PIP4P2: variants seen among roughly 807,000 people sequenced by gnomAD.
PIP4P2 encodes the protein phosphatidylinositol-4,5-bisphosphate 4-phosphatase 2, also known as type 2 phosphatidylinositol 4,5-bisphosphate 4-phosphatase.
In PIP4P2, 19 loss-of-function variants were observed where a neutral mutation model predicts 33.3. The ratio of observed to expected loss-of-function variants is 0.57; its 90% CI spans 0.40 to 0.84. The LOEUF (loss-of-function observed/expected upper bound fraction) is 0.84, where lower values mean the gene tolerates loss of function less well. Ranked by LOEUF, PIP4P2 falls within the 40% of genes least tolerant of loss-of-function variation. The pLI, the probability that PIP4P2 is intolerant of heterozygous loss-of-function variation, is 0.00. For missense variants in PIP4P2, 270 were observed against 324.7 expected, an observed-to-expected ratio of 0.83 and a Z score of 1.29; for synonymous variants, 110 against 111.9, an observed-to-expected ratio of 0.98 and a Z score of 0.11.
chr8:91,001,395 C>T (rs1309635034), intron 5 of PIP4P2, among the ~76,000 whole-genome samples: 7 of 151,806 alleles, frequency 4.6e-5, no homozygotes, highest in South Asian at 2.1e-4. Context: ...GCCCATCCCG[C>T]ACCCTGTGCC....
At chr8:91,009,223 T>C (rs1395508465) in intron 4 of PIP4P2, among the ~76,000 whole-genome samples, 1 of 152,134 alleles carries the variant, frequency 6.6e-6, no homozygotes, top group African/African-American at 2.4e-5. Context: ...ATTCTACTTA[T>C]GTGAGAAAGT....
chr8:90,996,795 C>T, intron 5 of PIP4P2, 51 bp from the exon 6 acceptor site: 2 of 1,452,420 alleles, frequency 1.4e-6, no homozygotes, highest in Non-Finnish European at 1.9e-6. Context: ...CATAAAAATT[C>T]TCTATTTCAT....
chr8:91,003,980 T>TAGAC (rs1257012522), intron 5 of PIP4P2, among the ~76,000 whole-genome samples: 7 of 151,552 alleles, frequency 4.6e-5, no homozygotes, highest in Admixed American at 4.6e-4. Flanking sequence ...GATAGATAGA[T>TAGAC]AGATAGATAG....
At chr8:91,006,746 A>C (rs1367931638) in intron 5 of PIP4P2, among the ~76,000 whole-genome samples, 1 of 152,168 alleles carries the variant, frequency 6.6e-6, no homozygotes, top group East Asian at 1.9e-4. Context: ...AGACGGGTGA[A>C]TCACCCGAGG....
chr8:91,029,117 C>CTGAAGGGTGCAGA (rs1812122599), intron 1 of PIP4P2, among the ~76,000 whole-genome samples: 2 of 151,780 alleles, frequency 1.3e-5, no homozygotes, highest in Admixed American at 1.3e-4. Context: ...ATCATGAAAC[C>CTGAAGGGTGCAGA]CCGTCTCTAT....
At position 91,040,825 on chromosome 8, in the gene PIP4P2, C is replaced by A; in HGVS notation, c.-76G>T. 1 of 1,350,968 alleles carries A rather than the reference C, an allele frequency of 7.4e-7. No homozygotes were observed. Among genetic ancestry groups the A allele is most frequent in the Non-Finnish European group, 1.0e-6 (1 of 968,726 alleles). 83.7% of individuals were successfully genotyped at this position (1,350,968 alleles called of 1,614,324 possible). On this transcript the variant is annotated 5_prime_UTR_variant, in exon 1 of 7. Transcript: ENST00000285419. ...GGCGGAGTGGTGGCTACTGCTGCTG[C>A]CTCTGCTGCCGCTGCTGCCGCTGCA...
intron 1 of PIP4P2, among the ~76,000 whole-genome samples, chr8:91,032,067 G>T (rs1349054403): frequency 6.6e-6 from 1 of 152,156 alleles, no homozygotes; most frequent in Non-Finnish European, 1.5e-5. Context: ...GTAAAGTAAC[G>T]ATTCCAAGGC....
chr8:91,033,748 A>G (rs936582724), intron 1 of PIP4P2, among the ~76,000 whole-genome samples: 1 of 151,980 alleles, frequency 6.6e-6, no homozygotes, highest in African/African-American at 2.4e-5. Flanking sequence ...CTAAGTCACC[A>G]TGCTCTAACC....
chr8:91,021,629 C>T (rs776812799), intron 1 of PIP4P2, among the ~76,000 whole-genome samples: 4 of 152,108 alleles, frequency 2.6e-5, no homozygotes, highest in Non-Finnish European at 4.4e-5. Context: ...TCATGTTTGC[C>T]TAGGTCTATC....
At position 91,040,606 on chromosome 8, in the gene PIP4P2, ACTTCCTTGCAAAGTAGAGG is replaced by A; in HGVS notation, c.106+19_106+37del. The A allele has an allele frequency of 6.2e-7, 1 of 1,608,726 alleles. No homozygotes were observed. The highest frequency in any genetic ancestry group is 8.5e-7 in the Non-Finnish European group (1 of 1,175,740). On this transcript the variant is annotated intron_variant, in intron 1 of 6. Transcript: ENST00000285419. ...CTTCTGGGCGTTTCCTTGCAAATCTACTTCCTTGCAAAGTAGAGGGATCTACGCTGGCCTTACCTCTGGG... is the reference window on the plus strand; with the variant it reads ...CTTCTGGGCGTTTCCTTGCAAATCTAGATCTACGCTGGCCTTACCTCTGGG...
At chr8:91,020,581 T>G (rs1811994431) in intron 2 of PIP4P2, among the ~76,000 whole-genome samples, 1 of 152,164 alleles carries the variant, frequency 6.6e-6, no homozygotes, top group Admixed American at 6.6e-5. Flanking sequence ...AGCCTAACTA[T>G]GAAAGAAATA....
At chr8:91,020,067 C>T (rs1276217749) in intron 3 of PIP4P2, 90 bp downstream of exon 3, 8 of 1,296,888 alleles carry the variant, frequency 6.2e-6, no homozygotes, top group South Asian at 4.2e-5. Context: ...AAAACTCTTT[C>T]TAGAACAAAG....
chr8:91,039,076 A>C (rs754874299), intron 1 of PIP4P2, among the ~76,000 whole-genome samples: 6 of 152,210 alleles, frequency 3.9e-5, no homozygotes, highest in Non-Finnish European at 5.9e-5. Context: ...TGAGGGCATG[A>C]AAATAGGTTA....
chr8:91,012,772 G>A (rs1163750735), intron 4 of PIP4P2, among the ~76,000 whole-genome samples: 1 of 152,166 alleles, frequency 6.6e-6, no homozygotes. Context: ...AGCTTTAGAA[G>A]TAAGTCTCTG....
At chr8:91,007,610 A>T (rs773318352) in intron 5 of PIP4P2, among the ~76,000 whole-genome samples, 2 of 152,194 alleles carry the variant, frequency 1.3e-5, no homozygotes, top group Non-Finnish European at 2.9e-5. Context: ...ATAATTTTTT[A>T]AATTATAATT....
Position 91,040,835 on chromosome 8 carries a change from C to CGCTGCAGCTGCT in PIP4P2, c.-87_-86insAGCAGCTGCAGC, listed in dbSNP as rs1286550198. 7 of 1,167,318 alleles carry CGCTGCAGCTGCT rather than the reference C, an allele frequency of 6.0e-6. No homozygotes were observed. The African/African-American group carries it at 9.3e-5, about 16-fold the overall frequency. 72.3% of individuals were successfully genotyped at this position (1,167,318 alleles called of 1,614,324 possible). On this transcript the variant is annotated 5_prime_UTR_variant, in exon 1 of 7. Transcript: ENST00000285419. ...TGGCTACTGCTGCTGCCTCTGCTGC[C>CGCTGCAGCTGCT]GCTGCTGCCGCTGCAGCTGCTGCTG... is the stretch of plus-strand genomic sequence containing the variant.
chr8:91,014,177 T>G (rs28436187), intron 4 of PIP4P2, among the ~76,000 whole-genome samples: 4,957 of 152,214 alleles, frequency 0.033, 263 homozygotes, highest in African/African-American at 0.11. Flanking sequence ...GAAACTTAAC[T>G]ACCTACAGAG....
chr8:90,998,365 CAAATT>C (rs2130347553), intron 5 of PIP4P2, among the ~76,000 whole-genome samples: 1 of 152,102 alleles, frequency 6.6e-6, no homozygotes, highest in South Asian at 2.1e-4. Context: ...TTTCATCACT[CAAATT>C]AAATAGTCAC....
chr8:91,024,092 G>C (rs1812049178), intron 1 of PIP4P2, among the ~76,000 whole-genome samples: 1 of 152,148 alleles, frequency 6.6e-6, no homozygotes, highest in East Asian at 1.9e-4. Flanking sequence ...GTAGTCAGGG[G>C]ACACTGGCCT....
Sources: gnomAD v4.1 joint callset for allele counts (sites outside exome capture counted in the v4.1 genomes callset) on GRCh38, gnomAD v4.1.1 for gene constraint, MANE v1.5 for transcripts, NCBI Gene and HGNC (gene_info 2026-07-23, HGNC 2026-07-21) for gene names.